Variants in BAZ1B observed in about 807,000 individuals in gnomAD.
The protein encoded by BAZ1B is bromodomain adjacent to zinc finger domain 1B.
In BAZ1B, 22 loss-of-function variants were observed where a neutral mutation model predicts 153.8. That is an observed-to-expected ratio of 0.14 (90% CI 0.10 to 0.20). The LOEUF (loss-of-function observed/expected upper bound fraction) is 0.20, where lower values mean the gene tolerates loss of function less well. BAZ1B is among the 10% of genes least tolerant of loss of function. BAZ1B has a pLI of 1.00. For synonymous variants in BAZ1B, 676 were observed against 633.4 expected, an observed-to-expected ratio of 1.07 and a Z score of -1.01; for missense variants, 1,325 against 1,799.3, an observed-to-expected ratio of 0.74 and a Z score of 4.77.
rs1554573139 is a variant in BAZ1B, at chr7:73,478,053, G to A, written c.1408C>T (p.His470Tyr). 3.1e-6 allele frequency: 5 copies of A among 1,614,148 alleles called. No individual in the cohort carries two copies. Among genetic ancestry groups the A allele is most frequent in the Non-Finnish European group, 4.2e-6 (5 of 1,180,018 alleles). The change falls in exon 7 of 20, where the codon CAT becomes TAT. Residue 470 changes from histidine to tyrosine, a missense_variant. Around this residue, in one of 9 missense-constraint regions of BAZ1B, gnomAD observed 219 missense variants for 248.2 expected, o/e 0.88. Transcript: ENST00000339594. ...TPRTSSKPHKHLPPAALHLIA... is the reference protein window; with the variant it reads ...TPRTSSKPHKYLPPAALHLIA... ...AGGTGTAGGGCTGCAGGAGGCAGAT[G>A]TTTATGAGGTTTACTAGAGGTCCTA... is the stretch of plus-strand genomic sequence containing the variant.
intron 1 of BAZ1B, among the ~76,000 whole-genome samples, chr7:73,511,161 A>T (rs939539753): frequency 6.6e-6 from 1 of 151,930 alleles, no homozygotes; most frequent in African/African-American, 2.4e-5. Flanking sequence ...CCAGCTACTC[A>T]GGAGGCTGAG....
At chr7:73,492,657 A>G in intron 5 of BAZ1B, 143 bp downstream of exon 5, 1 of 729,528 alleles carries the variant, frequency 1.4e-6, no homozygotes, top group South Asian at 2.5e-5. Flanking sequence ...TGAAGTCATT[A>G]ATTACTGTAA....
chr7:73,478,339 C>G lies in BAZ1B; in HGVS notation c.1122G>C (p.Ser374=), dbSNP rs368146268. 1 of 1,613,110 alleles carries G rather than the reference C, an allele frequency of 6.2e-7. No individual in the cohort carries two copies. Among genetic ancestry groups the G allele is most frequent in the Non-Finnish European group, 8.5e-7 (1 of 1,179,830 alleles). The change falls in exon 7 of 20, where the codon TCG becomes TCC. Residue 374 remains serine, a synonymous_variant. Coordinates refer to ENST00000339594, the MANE Select transcript of BAZ1B (RefSeq NM_032408.4). ...EHLEEMMKMM[S]PNKLHTNFHI... The stretch of plus-strand genomic sequence containing the variant: ...GAAAGTTAGTGTGCAGCTTATTGGG[C>G]GACATCATCTTCATCATTTCTTCTA...
At chr7:73,444,931 T>C (rs1156298222) in intron 16 of BAZ1B, among the ~76,000 whole-genome samples, 1 of 151,962 alleles carries the variant, frequency 6.6e-6, no homozygotes, top group African/African-American at 2.4e-5. Flanking sequence ...GGAAAATCGC[T>C]TGAACCTGGG....
At chr7:73,505,981 T>G (rs797037158) in intron 3 of BAZ1B, among the ~76,000 whole-genome samples, 1 of 152,222 alleles carries the variant, frequency 6.6e-6, no homozygotes, top group Non-Finnish European at 1.5e-5. Context: ...GTCATTTAAA[T>G]GTACAAGGCT....
intron 5 of BAZ1B, among the ~76,000 whole-genome samples, chr7:73,489,642 C>G (rs1021431623): frequency 2.0e-5 from 3 of 152,112 alleles, no homozygotes; most frequent in African/African-American, 7.2e-5. Context: ...TAACAAGACC[C>G]TCTGTGTACA....
chr7:73,467,014 C>G (rs1788615403), intron 9 of BAZ1B, among the ~76,000 whole-genome samples: 1 of 152,184 alleles, frequency 6.6e-6, no homozygotes, highest in Non-Finnish European at 1.5e-5. Context: ...TCACTGAAAC[C>G]TCTGCCTCCC....
intron 3 of BAZ1B, among the ~76,000 whole-genome samples, chr7:73,502,921 T>A (rs1228488736): frequency 1.3e-5 from 2 of 152,194 alleles, no homozygotes; most frequent in African/African-American, 4.8e-5. Flanking sequence ...ATAAATGTAA[T>A]CATACTGTAT....
chr7:73,484,221 G>GCA (rs1364438183), intron 6 of BAZ1B, among the ~76,000 whole-genome samples: 1 of 152,022 alleles, frequency 6.6e-6, no homozygotes, highest in African/African-American at 2.4e-5. Context: ...AGCAAAGACT[G>GCA]CACCACTGCA....
chr7:73,478,590 C>A (rs1298252546), intron 6 of BAZ1B, 21 bp from the exon 7 acceptor site: 2 of 1,464,654 alleles, frequency 1.4e-6, no homozygotes, highest in Non-Finnish European at 1.8e-6. Flanking sequence ...AGAATAGGAG[C>A]AAAATTAATT....
Position 73,444,068 on chromosome 7 carries a change from G to A in BAZ1B, c.3906C>T (p.Gly1302=), listed in dbSNP as rs2116214895. The A allele has an allele frequency of 1.9e-6, 3 of 1,613,582 alleles. No individual in the cohort carries two copies. Among genetic ancestry groups the A allele is most frequent in the East Asian group, 2.2e-5 (1 of 44,856 alleles). The change falls in exon 17 of 20, where the codon GGC becomes GGT. Residue 1302 remains glycine, a synonymous_variant. Coordinates refer to ENST00000339594, the MANE Select transcript of BAZ1B (RefSeq NM_032408.4). ...HSVIPPAARS[G]RRPGKKPHST... The stretch of plus-strand genomic sequence containing the variant: ...AGTGTGGCTTCTTACCCGGGCGCCG[G>A]CCTGACCTTGCTGCAGGGGGGATGA...
At chr7:73,503,993 C>T (rs1264083594) in intron 3 of BAZ1B, among the ~76,000 whole-genome samples, 1 of 152,186 alleles carries the variant, frequency 6.6e-6, no homozygotes, top group Non-Finnish European at 1.5e-5. Context: ...CTACTCTTTT[C>T]TAGTTCCTGT....
chr7:73,452,338 G>A (rs1554568444), intron 13 of BAZ1B, among the ~76,000 whole-genome samples: 1 of 152,110 alleles, frequency 6.6e-6, no homozygotes, highest in Non-Finnish European at 1.5e-5. Context: ...TTCATCAGCT[G>A]ACAGTTACCT....
rs568509779 is a variant in BAZ1B at position 73,505,901 on chromosome 7, G to A, written c.369+2426C>T. Among the ~76,000 whole-genome samples the A allele has an allele frequency of 3.8e-4, 58 of 152,194 alleles. No individual in the cohort carries two copies. In the South Asian group the frequency reaches 0.01, roughly 27 times the overall value. On this transcript the variant is annotated intron_variant, in intron 3 of 19. Coordinates refer to ENST00000339594, the MANE Select transcript of BAZ1B (RefSeq NM_032408.4). ...TATCACACCAAAGTTTGAGAACTAC[G>A]GACTATTATTACAATTTCGCTACAT...
At chr7:73,508,249 A>G (rs1790425627) in intron 3 of BAZ1B, 78 bp downstream of exon 3, 2 of 1,458,282 alleles carry the variant, frequency 1.4e-6, no homozygotes, top group Non-Finnish European at 1.9e-6. Context: ...TTTTACACAC[A>G]TAGAAATGTG....
rs555053290 is a variant in BAZ1B at position 73,465,630 on chromosome 7, T to G, written c.2973-93A>C. ...AGGGATCTAGAGTTGGTGGTGGGAC[T>G]TGGGAGAACAGAATTCCAAATGTGT... On this transcript the variant is annotated intron_variant, in intron 10 of 19. Transcript: ENST00000339594. 9.1e-4 allele frequency: 660 copies of G among 728,334 alleles called. 16 individuals carry two copies. In the South Asian group the frequency reaches 0.013, roughly 14 times the overall value. 45.1% of individuals were successfully genotyped at this position (728,334 alleles called of 1,614,324 possible).
chr7:73,499,878 G>T (rs1790056629), intron 3 of BAZ1B, among the ~76,000 whole-genome samples: 1 of 152,124 alleles, frequency 6.6e-6, no homozygotes, highest in African/African-American at 2.4e-5. Context: ...AACATGGCAT[G>T]TATTTTTCCA....
In BAZ1B at chr7:73,522,267, C is replaced by G. The variant is rs1047801854; in HGVS notation, c.-334G>C. 8.0e-6 allele frequency: 3 copies of G among 373,996 alleles called. No homozygotes were observed. Among genetic ancestry groups the G allele is most frequent in the Non-Finnish European group, 1.4e-5 (3 of 210,356 alleles). 23.2% of individuals were successfully genotyped at this position (373,996 alleles called of 1,614,324 possible). A position where few individuals can be genotyped will look rare whatever the true frequency, so the allele number is the denominator to read the frequency against. ...AAAAATGGCGGGAGATTCCCCTCCTCCCCCGGGCCCGGCCAACGCACACAC... is the reference window on the plus strand; with the variant it reads ...AAAAATGGCGGGAGATTCCCCTCCTGCCCCGGGCCCGGCCAACGCACACAC... On this transcript the variant is annotated 5_prime_UTR_variant, in exon 1 of 20. Transcript: ENST00000339594.
rs184053830 is a variant in BAZ1B, at chr7:73,486,397, G to C, written c.891+2797C>G. On this transcript the variant is annotated intron_variant, in intron 6 of 19. Coordinates refer to ENST00000339594, the MANE Select transcript of BAZ1B (RefSeq NM_032408.4). ...GCTGGAGTGCAGTGGCGTGATCTCG[G>C]CTCACTACAAGCTCAGCCTCCCAGG... 8.5e-4 allele frequency among the ~76,000 whole-genome samples: 129 copies of C among 152,182 alleles called. 1 individual carries two copies. The highest frequency in any genetic ancestry group is 3.0e-3 in the African/African-American group (123 of 41,520).
Sources: allele counts gnomAD v4.1 joint callset (sites outside exome capture counted in the v4.1 genomes callset), GRCh38; gene constraint gnomAD v4.1.1; regional missense constraint gnomAD v4.1.1; transcripts MANE v1.5; gene names NCBI Gene and HGNC (gene_info 2026-07-23, HGNC 2026-07-21).